Variants in MTM1 observed in about 807,000 individuals in gnomAD.
MTM1 encodes myotubularin.
A neutral mutation model predicts 52.1 loss-of-function variants in MTM1; 9 were observed. The ratio of observed to expected loss-of-function variants is 0.17; its 90% CI spans 0.10 to 0.30. The LOEUF (loss-of-function observed/expected upper bound fraction) is 0.30. Among genes scored for constraint, MTM1 ranks in the 10% least tolerant of loss-of-function variants. The pLI is 1.00. For missense variants in MTM1, 277 were observed against 470.7 expected, an observed-to-expected ratio of 0.59 and a Z score of 3.81; for synonymous variants, 136 against 163.8, an observed-to-expected ratio of 0.83 and a Z score of 1.29.
chrX:150,610,516 G>C (rs1469519936), intron 4 of MTM1, among the ~76,000 whole-genome samples: 2 of 112,356 alleles, frequency 1.8e-5, no homozygotes, highest in Non-Finnish European at 3.8e-5. Flanking sequence ...ATAGACTTTT[G>C]AGTTAGAATG....
At chrX:150,668,907 T>C (rs1163244623) in intron 14 of MTM1, among the ~76,000 whole-genome samples, 3 of 109,419 alleles carry the variant, frequency 2.7e-5, no homozygotes, top group Non-Finnish European at 5.7e-5. Flanking sequence ...TTTTTTCTTT[T>C]CTTTCTTCTA....
chrX:150,660,912 A>C (rs1192163571), intron 13 of MTM1, among the ~76,000 whole-genome samples: 2 of 111,913 alleles, frequency 1.8e-5, no homozygotes, highest in Non-Finnish European at 3.8e-5. Context: ...CCTAAGAGAG[A>C]GCATTAATCT....
At chrX:150,650,270 T>G (rs1438949375) in intron 10 of MTM1, among the ~76,000 whole-genome samples, 1 of 110,576 alleles carries the variant, frequency 9.0e-6, no homozygotes, top group African/African-American at 3.3e-5. Context: ...TTTTTTGTTT[T>G]TTTTTGTTTT....
intron 4 of MTM1, among the ~76,000 whole-genome samples, chrX:150,611,084 A>G (rs948805934): frequency 9.0e-6 from 1 of 111,301 alleles, no homozygotes; most frequent in African/African-American, 3.3e-5. Flanking sequence ...ACTGAGTAGT[A>G]TTTTTCTCTT....
chrX:150,657,125 A>G (rs1557414458), intron 10 of MTM1, among the ~76,000 whole-genome samples: 1 of 110,327 alleles, frequency 9.1e-6, no homozygotes, highest in African/African-American at 3.3e-5. Context: ...ATTACTGGGT[A>G]TATACCCAAA....
intron 6 of MTM1, among the ~76,000 whole-genome samples, chrX:150,638,110 A>C (rs1325106268): frequency 1.8e-5 from 2 of 112,230 alleles, no homozygotes; most frequent in Non-Finnish European, 3.8e-5. Context: ...AGATGAATCC[A>C]AGGTTTTCAG....
In MTM1 at chrX:150,637,807, G is replaced by A. The variant is rs369295227; in HGVS notation, c.445-1136G>A. Among the ~76,000 whole-genome samples, 3 of 112,536 alleles carry A rather than the reference G, an allele frequency of 2.7e-5. No individual in the cohort carries two copies. In the East Asian group the frequency reaches 8.4e-4, roughly 32 times the overall value. The stretch of plus-strand genomic sequence containing the variant: ...GGTGCCTTTAGGGAGTGGCACAGGA[G>A]GCAGGTGTGACTTACGTGGAGCGAG... On this transcript the variant is annotated intron_variant, in intron 6 of 14. Transcript: ENST00000370396.
rs1044705611 is a variant in MTM1, at chrX:150,672,974, C to G, written c.*1379C>G. ...AGTATAAGAAATTTTATTAGACATT[C>G]TCTTACTTTTTGTAAATGCTGTAAA... is the stretch of plus-strand genomic sequence containing the variant. On this transcript the variant is annotated 3_prime_UTR_variant, in exon 15 of 15. Transcript: ENST00000370396. The G allele has an allele frequency of 2.7e-5, 3 of 112,288 alleles. No homozygotes were observed. The highest frequency in any genetic ancestry group is 9.7e-5 in the African/African-American group (3 of 30,893). The allele number at this position is 112,288 out of a possible 1,213,427, so 9.3% of individuals were successfully genotyped here.
At chrX:150,587,436 C>T (rs1194618948) in intron 1 of MTM1, among the ~76,000 whole-genome samples, 2 of 111,788 alleles carry the variant, frequency 1.8e-5, no homozygotes, top group Admixed American at 1.9e-4. Context: ...GCCCTTTACA[C>T]GGAAAATTTG....
chrX:150,571,383 A>G (rs1248855804), intron 1 of MTM1, among the ~76,000 whole-genome samples: 2 of 111,733 alleles, frequency 1.8e-5, no homozygotes, highest in African/African-American at 3.3e-5. Flanking sequence ...GCCTGCCCCA[A>G]TTTGAATCCT....
At chrX:150,565,305 G>A (rs1557411188), upstream of MTM1, among the ~76,000 whole-genome samples, 1 of 112,239 alleles carries the variant, frequency 8.9e-6, no homozygotes, top group Non-Finnish European at 1.9e-5. Context: ...ACTTTCCCAA[G>A]GCCAACAGCT....
upstream of MTM1, among the ~76,000 whole-genome samples, chrX:150,564,275 C>T (rs2148386899): frequency 8.9e-6 from 1 of 112,427 alleles, no homozygotes; most frequent in Non-Finnish European, 1.9e-5. Flanking sequence ...AATAGTTCTT[C>T]CTTTTTATTG....
At chrX:150,596,774 T>C in intron 3 of MTM1, 1 of 395,651 alleles carries the variant, frequency 2.5e-6, no homozygotes, top group Admixed American at 4.3e-5. Flanking sequence ...GTAGTGATAT[T>C]CTTGTGTCTG....
intron 6 of MTM1, among the ~76,000 whole-genome samples, chrX:150,623,398 G>GT (rs1299876099): frequency 6.4e-5 from 7 of 109,698 alleles, no homozygotes; most frequent in African/African-American, 1.7e-4. Context: ...GTTTTTTGGG[G>GT]TTTTTTTTCT....
At chrX:150,614,040 C>A (rs2039338926) in intron 4 of MTM1, among the ~76,000 whole-genome samples, 1 of 112,302 alleles carries the variant, frequency 8.9e-6, no homozygotes, top group Admixed American at 9.4e-5. Context: ...CAGTCGGAAT[C>A]AAGTGCTATG....
intron 1 of MTM1, among the ~76,000 whole-genome samples, chrX:150,580,061 G>A (rs1353709385): frequency 1.8e-5 from 2 of 111,334 alleles, no homozygotes; most frequent in Admixed American, 9.6e-5. Context: ...AAGAGTGACC[G>A]TCCTTGCCTT....
chrX:150,607,527 A>G (rs1557412864), intron 4 of MTM1, among the ~76,000 whole-genome samples: 1 of 111,941 alleles, frequency 8.9e-6, no homozygotes, highest in East Asian at 2.8e-4. Context: ...ATTTCTATGC[A>G]GGGATTGATT....
At chrX:150,596,811 GA>G (rs1162018754) in intron 3 of MTM1, 12 of 332,591 alleles carry the variant, frequency 3.6e-5, no homozygotes, top group East Asian at 5.3e-5. Context: ...TGATTTAGGG[GA>G]AAAAAATGTG....
At chrX:150,593,407 A>T (rs1322900195) in intron 2 of MTM1, among the ~76,000 whole-genome samples, 2 of 112,193 alleles carry the variant, frequency 1.8e-5, no homozygotes, top group African/African-American at 3.2e-5. Context: ...AACCAAAACA[A>T]ATACAACTTT....
Sources: allele counts gnomAD v4.1 joint callset (sites outside exome capture counted in the v4.1 genomes callset), GRCh38; gene constraint gnomAD v4.1.1; transcripts MANE v1.5; gene names NCBI Gene and HGNC (gene_info 2026-07-23, HGNC 2026-07-21).